Variants in ITFG1 observed in about 807,000 individuals in gnomAD.
The protein encoded by ITFG1 is integrin alpha FG-GAP repeat containing 1, also known as T-cell immunomodulatory protein.
In ITFG1, 34 loss-of-function variants were observed where a neutral mutation model predicts 81.8. That is an observed-to-expected ratio of 0.42 (90% confidence interval 0.32 to 0.55). ITFG1 has a LOEUF of 0.55. Ranked by LOEUF, ITFG1 falls within the 20% of genes least tolerant of loss-of-function variation. The pLI is 0.17. For missense variants in ITFG1, 672 were observed against 755.4 expected, an observed-to-expected ratio of 0.89 and a Z score of 1.29; for synonymous variants, 285 against 270.6, an observed-to-expected ratio of 1.05 and a Z score of -0.52.
intron 8 of ITFG1, among the ~76,000 whole-genome samples, chr16:47,351,385 G>A (rs1315257908): frequency 1.3e-5 from 2 of 152,064 alleles, no homozygotes; most frequent in Non-Finnish European, 2.9e-5. Context: ...AAATCAATGT[G>A]CAAAAATCAC....
chr16:47,414,174 A>T (rs1289622735), intron 6 of ITFG1, among the ~76,000 whole-genome samples: 1 of 152,174 alleles, frequency 6.6e-6, no homozygotes, highest in Non-Finnish European at 1.5e-5. Context: ...AAACAAACAA[A>T]AGAAATACAT....
chr16:47,243,923 C>T (rs541201215), intron 12 of ITFG1, among the ~76,000 whole-genome samples: 64 of 152,116 alleles, frequency 4.2e-4, no homozygotes, highest in African/African-American at 1.4e-3. Flanking sequence ...CCTAGCTACT[C>T]GGGAGGCTGG....
rs1964680544 is a variant in ITFG1, at chr16:47,154,932, C to A, written c.*787G>T. The A allele has an allele frequency of 2.0e-5, 3 of 152,130 alleles. No individual in the cohort carries two copies. The highest frequency in any genetic ancestry group is 1.3e-4 in the Admixed American group (2 of 15,276). 9.4% of individuals were successfully genotyped at this position (152,130 alleles called of 1,614,324 possible). ...TTTCTTCATGCCTGAAAATAAAATT[C>A]TATCAAGTCTATGTATTTCTATAAT... On this transcript the variant is annotated 3_prime_UTR_variant, in exon 18 of 18. Transcript: ENST00000320640.
At chr16:47,416,751 C>G (rs997030294) in intron 6 of ITFG1, among the ~76,000 whole-genome samples, 2 of 152,216 alleles carry the variant, frequency 1.3e-5, no homozygotes, top group South Asian at 2.1e-4. Context: ...GAGGCTTCCC[C>G]AGAAGAAGCA....
intron 6 of ITFG1, among the ~76,000 whole-genome samples, chr16:47,387,869 A>G (rs140329601): frequency 1.3e-5 from 2 of 152,312 alleles, no homozygotes; most frequent in Non-Finnish European, 2.9e-5. Flanking sequence ...GGCAACAGAC[A>G]GTGCTGTGAG....
intron 16 of ITFG1, 130 bp downstream of exon 16, chr16:47,161,620 C>A: frequency 1.8e-6 from 1 of 556,394 alleles, no homozygotes; most frequent in Non-Finnish European, 3.3e-6. Context: ...TAAAGTTTGC[C>A]GTAAGCAAAT....
chr16:47,432,803 AT>A (rs1229374865), intron 5 of ITFG1, among the ~76,000 whole-genome samples: 2 of 152,352 alleles, frequency 1.3e-5, no homozygotes, highest in Admixed American at 6.5e-5. Flanking sequence ...TGATTAACTT[AT>A]TTTTAAGATA....
In ITFG1 at chr16:47,285,443, C is replaced by A. The variant is rs145586287; in HGVS notation, c.1071-24748G>T. Among the ~76,000 whole-genome samples, 251 of 152,316 alleles carry A rather than the reference C, an allele frequency of 1.6e-3. 1 individual carries two copies. Among genetic ancestry groups the A allele is most frequent in the African/African-American group, 5.8e-3 (242 of 41,570 alleles). ...GTGCTTCTCTGAGTTCTGTAAGCCACTCCAGCAAATTAACTCATACCAAAG... is the reference window on the plus strand; with the variant it reads ...GTGCTTCTCTGAGTTCTGTAAGCCAATCCAGCAAATTAACTCATACCAAAG... On this transcript the variant is annotated intron_variant, in intron 10 of 17. Transcript: ENST00000320640.
chr16:47,451,943 G>C (rs943640453), intron 4 of ITFG1, among the ~76,000 whole-genome samples: 1 of 152,176 alleles, frequency 6.6e-6, no homozygotes, highest in African/African-American at 2.4e-5. Flanking sequence ...AGAATCCTAA[G>C]CCAACTTGTT....
intron 14 of ITFG1, among the ~76,000 whole-genome samples, chr16:47,176,957 T>G (rs976950412): frequency 1.3e-5 from 2 of 150,986 alleles, no homozygotes; most frequent in Admixed American, 6.6e-5. Context: ...CTTCTTCTTT[T>G]TTTTTTTTTT....
intron 10 of ITFG1, among the ~76,000 whole-genome samples, chr16:47,285,229 C>T (rs916964763): frequency 2.6e-5 from 4 of 152,124 alleles, no homozygotes; most frequent in Non-Finnish European, 5.9e-5. Context: ...GGGAAGAATG[C>T]TGATGCAATG....
At chr16:47,218,774 G>T in intron 14 of ITFG1, 94 bp downstream of exon 14, 2 of 584,418 alleles carry the variant, frequency 3.4e-6, no homozygotes, top group Middle Eastern at 4.4e-4. Flanking sequence ...TGTTATTAAG[G>T]AGTGTGAAAA....
intron 10 of ITFG1, among the ~76,000 whole-genome samples, chr16:47,268,695 C>T (rs1202372128): frequency 6.6e-6 from 1 of 152,188 alleles, no homozygotes; most frequent in Non-Finnish European, 1.5e-5. Context: ...CATGTCTCTG[C>T]TCTGTGATTA....
In ITFG1 at chr16:47,264,192, C is replaced by A. The variant is rs191757595; in HGVS notation, c.1071-3497G>T. ...TCAATGTTAATAATTTGGTATGCATCTTTCTAAGCTTTCTTCTAGGCACAT... is the reference window on the plus strand; with the variant it reads ...TCAATGTTAATAATTTGGTATGCATATTTCTAAGCTTTCTTCTAGGCACAT... On this transcript the variant is annotated intron_variant, in intron 10 of 17. Transcript: ENST00000320640. Among the ~76,000 whole-genome samples the A allele has an allele frequency of 5.3e-3, 813 of 152,168 alleles. 4 individuals carry two copies. Among genetic ancestry groups the A allele is most frequent in the Non-Finnish European group, 9.3e-3 (631 of 67,994 alleles).
At chr16:47,385,339 C>T (rs1012390256) in intron 6 of ITFG1, among the ~76,000 whole-genome samples, 1 of 152,140 alleles carries the variant, frequency 6.6e-6, no homozygotes, top group Non-Finnish European at 1.5e-5. Context: ...ACTAAATACA[C>T]TTAACAATTA....
At chr16:47,370,333 G>A (rs1034232241) in intron 7 of ITFG1, among the ~76,000 whole-genome samples, 6 of 152,056 alleles carry the variant, frequency 3.9e-5, no homozygotes, top group African/African-American at 7.2e-5. Flanking sequence ...GTGCTTTTCC[G>A]AGGCCGCCAT....
intron 12 of ITFG1, among the ~76,000 whole-genome samples, chr16:47,256,224 C>T (rs1453137546): frequency 2.0e-5 from 3 of 152,160 alleles, no homozygotes; most frequent in African/African-American, 4.8e-5. Flanking sequence ...CTCAGCCTCC[C>T]GAAGTGCTGG....
chr16:47,353,496 C>G (rs145801265), intron 8 of ITFG1, among the ~76,000 whole-genome samples: 5 of 151,774 alleles, frequency 3.3e-5, no homozygotes, highest in Admixed American at 2.0e-4. Context: ...TGGAAGAAGA[C>G]AAGGATGCCC....
chr16:47,268,251 T>G (rs914487679), intron 10 of ITFG1, among the ~76,000 whole-genome samples: 1 of 152,106 alleles, frequency 6.6e-6, no homozygotes, highest in African/African-American at 2.4e-5. Context: ...GATAAGGGAA[T>G]GTTATAAAAA....
Sources: allele counts gnomAD v4.1 joint callset (sites outside exome capture counted in the v4.1 genomes callset), GRCh38; gene constraint gnomAD v4.1.1; transcripts MANE v1.5; gene names NCBI Gene and HGNC (gene_info 2026-07-23, HGNC 2026-07-21).